FSTL5: variants seen among roughly 807,000 people sequenced by gnomAD.
The protein encoded by FSTL5 is follistatin like 5, also known as follistatin-related protein 5.
FSTL5 carries 62 observed loss-of-function variants against 89.1 expected under a neutral mutation model. That is an observed-to-expected ratio of 0.70 (90% CI 0.57 to 0.86). FSTL5 has a LOEUF of 0.86. Ranked by LOEUF, FSTL5 falls within the 40% of genes least tolerant of loss-of-function variation. The pLI is 0.00. For missense variants in FSTL5, 1,057 were observed against 1,001.6 expected, an observed-to-expected ratio of 1.06 and a Z score of -0.75; for synonymous variants, 383 against 346.2, an observed-to-expected ratio of 1.11 and a Z score of -1.18.
intron 6 of FSTL5, among the ~76,000 whole-genome samples, chr4:161,708,684 C>T (rs965315216): frequency 7.9e-5 from 12 of 151,780 alleles, no homozygotes; most frequent in African/African-American, 2.4e-5. Flanking sequence ...GACTTTGTTG[C>T]GTGATGTTTT....
At chr4:161,489,597 T>C (rs902474332) in intron 12 of FSTL5, among the ~76,000 whole-genome samples, 9 of 152,148 alleles carry the variant, frequency 5.9e-5, no homozygotes, top group Non-Finnish European at 1.2e-4. Context: ...TTTTGAATTG[T>C]ATAGGAGCAG....
intron 7 of FSTL5, among the ~76,000 whole-genome samples, chr4:161,623,325 C>G (rs1425421674): frequency 6.6e-6 from 1 of 151,824 alleles, no homozygotes; most frequent in Non-Finnish European, 1.5e-5. Flanking sequence ...AGGAAACAAC[C>G]ATATTAGTAT....
intron 6 of FSTL5, among the ~76,000 whole-genome samples, chr4:161,695,640 T>G (rs1738129487): frequency 6.6e-6 from 1 of 152,112 alleles, no homozygotes; most frequent in African/African-American, 2.4e-5. Context: ...TTTGATTTTT[T>G]ATTATGGCCA....
intron 7 of FSTL5, among the ~76,000 whole-genome samples, chr4:161,625,276 C>G (rs1213959749): frequency 2.0e-5 from 3 of 152,064 alleles, no homozygotes; most frequent in Non-Finnish European, 4.4e-5. Context: ...TCTGGTAACT[C>G]AGCCTTGAGC....
At chr4:161,721,843 A>G (rs1739229873) in intron 6 of FSTL5, among the ~76,000 whole-genome samples, 3 of 152,224 alleles carry the variant, frequency 2.0e-5, no homozygotes, top group Non-Finnish European at 4.4e-5. Flanking sequence ...GGTAAAGATT[A>G]TACAAGAAAT....
At chr4:161,629,592 G>C (rs946060638) in intron 7 of FSTL5, among the ~76,000 whole-genome samples, 2 of 152,038 alleles carry the variant, frequency 1.3e-5, no homozygotes, top group African/African-American at 4.8e-5. Flanking sequence ...TAATCCACCC[G>C]CCTCGGCCTC....
chr4:161,478,634 A>G (rs1056640534), intron 13 of FSTL5, among the ~76,000 whole-genome samples: 8 of 152,108 alleles, frequency 5.3e-5, no homozygotes, highest in African/African-American at 1.9e-4. Flanking sequence ...GAACATGGAA[A>G]GAATATTCAT....
rs556113552 is a variant in FSTL5, at chr4:161,454,062, C to T, written c.1841+942G>A. ...GTTATAATTCTGATTTATTAATCCCCGTTTTTATTTTTGCAAAGTTGAATT... is the reference window on the plus strand; with the variant it reads ...GTTATAATTCTGATTTATTAATCCCTGTTTTTATTTTTGCAAAGTTGAATT... On this transcript the variant is annotated intron_variant, in intron 15 of 15. Transcript: ENST00000306100. 2.8e-4 allele frequency among the ~76,000 whole-genome samples: 43 copies of T among 152,096 alleles called. 2 individuals carry two copies. The South Asian group carries it at 6.0e-3, about 21-fold the overall frequency.
At chr4:161,813,129 T>G (rs1418123630) in intron 4 of FSTL5, among the ~76,000 whole-genome samples, 1 of 151,678 alleles carries the variant, frequency 6.6e-6, no homozygotes, top group East Asian at 2.0e-4. Context: ...TGGGTTCAAG[T>G]GATTCTCCTG....
chr4:162,117,821 A>T (rs1731700743), intron 1 of FSTL5, among the ~76,000 whole-genome samples: 1 of 152,166 alleles, frequency 6.6e-6, no homozygotes, highest in Non-Finnish European at 1.5e-5. Flanking sequence ...CCCCCAGTAT[A>T]ATCTCAATAA....
intron 12 of FSTL5, among the ~76,000 whole-genome samples, chr4:161,484,465 G>T (rs1262695091): frequency 6.6e-6 from 1 of 151,916 alleles, no homozygotes; most frequent in Non-Finnish European, 1.5e-5. Context: ...CATTCACATT[G>T]CCCCATAAAT....
chr4:161,704,775 G>A (rs1738513913), intron 6 of FSTL5, among the ~76,000 whole-genome samples: 1 of 151,918 alleles, frequency 6.6e-6, no homozygotes, highest in South Asian at 2.1e-4. Flanking sequence ...TTCCTAGAAG[G>A]GACTGTTAAT....
chr4:161,779,811 GTATATATATATA>G (rs1203119725), intron 4 of FSTL5, among the ~76,000 whole-genome samples: 1 of 40,446 alleles, frequency 2.5e-5, no homozygotes, highest in Non-Finnish European at 4.6e-5. Context: ...ATATATATAT[GTATATATATATA>G]TATATATATA....
intron 6 of FSTL5, among the ~76,000 whole-genome samples, chr4:161,715,746 T>A (rs1422983229): frequency 6.6e-6 from 1 of 152,218 alleles, no homozygotes; most frequent in Admixed American, 6.5e-5. Context: ...TCCTGTGATG[T>A]ACAGAAGCTA....
intron 15 of FSTL5, among the ~76,000 whole-genome samples, chr4:161,399,211 A>G (rs1424638349): frequency 1.3e-5 from 2 of 152,114 alleles, no homozygotes; most frequent in Admixed American, 6.6e-5. Flanking sequence ...CATAGGGGAT[A>G]GTGGCACTGA....
chr4:161,508,562 T>A (rs749980886), intron 11 of FSTL5, among the ~76,000 whole-genome samples: 1 of 152,154 alleles, frequency 6.6e-6, no homozygotes, highest in African/African-American at 2.4e-5. Flanking sequence ...ACTAACAGAA[T>A]ACATTTTTAA....
intron 4 of FSTL5, among the ~76,000 whole-genome samples, chr4:161,861,194 G>A (rs775547585): frequency 1.7e-4 from 26 of 151,986 alleles, no homozygotes; most frequent in Non-Finnish European, 3.1e-4. Context: ...AGGCTGAGGC[G>A]AGTGGATCAC....
At chr4:161,770,274 A>T (rs1397118966) in intron 5 of FSTL5, among the ~76,000 whole-genome samples, 1 of 151,912 alleles carries the variant, frequency 6.6e-6, no homozygotes, top group Non-Finnish European at 1.5e-5. Flanking sequence ...AATGAATAAG[A>T]TCTAGTATTT....
chr4:161,934,360 G>A (rs1418389276), intron 3 of FSTL5, among the ~76,000 whole-genome samples: 1 of 151,972 alleles, frequency 6.6e-6, no homozygotes, highest in Admixed American at 6.6e-5. Context: ...AAAATCATAG[G>A]TGAAGACATG....
Sources: gnomAD v4.1 joint callset for allele counts (sites outside exome capture counted in the v4.1 genomes callset) on GRCh38, gnomAD v4.1.1 for gene constraint, MANE v1.5 for transcripts, NCBI Gene and HGNC (gene_info 2026-07-23, HGNC 2026-07-21) for gene names.